RNF216: variants seen among roughly 807,000 people sequenced by gnomAD.
RNF216 encodes the protein ring finger protein 216.
In RNF216, 72 loss-of-function variants were observed where a neutral mutation model predicts 110.8. The observed-to-expected ratio is 0.65, with a 90% CI of 0.54 to 0.79. The LOEUF is 0.79. RNF216 is among the 30% of genes least tolerant of loss of function. The pLI is 0.00. For synonymous variants in RNF216, 495 were observed against 407.5 expected (o/e 1.21, Z -2.59); for missense variants, 1,342 against 1,141.2 (o/e 1.18, Z -2.54).
chr7:5,727,943 TA>T (rs1185313092), intron 7 of RNF216, among the ~76,000 whole-genome samples: 51 of 146,944 alleles, frequency 3.5e-4, no homozygotes, highest in Admixed American at 8.1e-4. Context: ...CCAAGGAGAT[TA>T]AAAAAAAAAA....
At chr7:5,727,668 G>A (rs976261219) in intron 7 of RNF216, among the ~76,000 whole-genome samples, 2 of 152,148 alleles carry the variant, frequency 1.3e-5, no homozygotes, top group African/African-American at 4.8e-5. Flanking sequence ...GGTCAAGGTT[G>A]CAATAAGCCA....
chr7:5,622,964 G>A lies in RNF216; in HGVS notation c.2668C>T (p.Pro890Ser). The A allele has an allele frequency of 6.2e-7, 1 of 1,614,092 alleles. No individual in the cohort carries two copies. The highest frequency in any genetic ancestry group is 8.5e-7 in the Non-Finnish European group (1 of 1,180,014). The change falls in exon 17 of 17, where the codon CCT becomes TCT. Residue 890 changes from proline (P) to serine (S), a missense_variant. By Grantham distance (74) the Pro-to-Ser change is moderately conservative (BLOSUM62 -1). Transcript: ENST00000389902. ...TAGTTGACCCGCACGTTGGGCAGAG[G>A]GGGCACGTACGGGGCTGGGATAGGC... ...MGPIPAPYVPPLPNVRVNYDF... is the reference protein window; with the variant it reads ...MGPIPAPYVPSLPNVRVNYDF...
chr7:5,621,491 C>G lies in RNF216; in HGVS notation c.*1369G>C, dbSNP rs927092253. The G allele has an allele frequency of 1.3e-5, 2 of 152,230 alleles. No individual in the cohort carries two copies. Among genetic ancestry groups the G allele is most frequent in the Non-Finnish European group, 2.9e-5 (2 of 68,054 alleles). The allele number at this position is 152,230 out of a possible 1,614,324, so 9.4% of individuals were successfully genotyped here. ...GCCCACTTTAGTCCTTGAAATACAT[C>G]TGAGAAGCCAATGGCAGCGAATGAC... On this transcript the variant is annotated 3_prime_UTR_variant, in exon 17 of 17. Transcript: ENST00000389902.
chr7:5,753,032 A>C, intron 2 of RNF216, 53 bp from the exon 3 acceptor site: 1 of 1,559,548 alleles, frequency 6.4e-7, no homozygotes, highest in Non-Finnish European at 8.6e-7. Flanking sequence ...ATCACATCCA[A>C]CTCTTTAAGT....
rs1296964636 is a variant in RNF216 at position 5,781,538 on chromosome 7, C to G, written c.-70+3G>C. On this transcript the variant is annotated splice_donor_region_variant and intron_variant, in intron 1 of 16. Transcript: ENST00000389902. ...TCGAGCGCGCCCCGCAGCCGACACT[C>G]ACTCGTCACTCAAGTCGCCGGCTAG... 1 of 152,292 alleles carries G rather than the reference C, an allele frequency of 6.6e-6. No individual in the cohort carries two copies. Among genetic ancestry groups the G allele is most frequent in the Admixed American group, 6.5e-5 (1 of 15,286 alleles). 9.4% of individuals were successfully genotyped at this position (152,292 alleles called of 1,614,324 possible). A position where few individuals can be genotyped will look rare whatever the true frequency, so the allele number is the denominator to read the frequency against.
At chr7:5,697,690 A>C (rs1791714392) in intron 13 of RNF216, among the ~76,000 whole-genome samples, 1 of 152,168 alleles carries the variant, frequency 6.6e-6, no homozygotes, top group African/African-American at 2.4e-5. Context: ...AAGGTGGGGA[A>C]GGGAAGAATC....
intron 1 of RNF216, among the ~76,000 whole-genome samples, chr7:5,772,521 T>G (rs1796550628): frequency 6.6e-6 from 1 of 152,030 alleles, no homozygotes; most frequent in Non-Finnish European, 1.5e-5. Context: ...ATTCAATCCT[T>G]TCCTTCCTCT....
chr7:5,735,124 C>A (rs919707273), intron 5 of RNF216, among the ~76,000 whole-genome samples: 6 of 151,964 alleles, frequency 3.9e-5, no homozygotes, highest in African/African-American at 1.4e-4. Flanking sequence ...CCAGCCTGGG[C>A]AAGAGAGTGA....
intron 15 of RNF216, among the ~76,000 whole-genome samples, chr7:5,639,019 G>A (rs1388869654): frequency 6.6e-6 from 1 of 152,138 alleles, no homozygotes; most frequent in Non-Finnish European, 1.5e-5. Context: ...AGACTCCTCA[G>A]TATAACATCT....
Position 5,691,680 on chromosome 7 carries a change from T to C in RNF216, c.2061+20081A>G, listed in dbSNP as rs192904048. ...CAATCAAGTGAAGTAGAATCTTCTA[T>C]CTGGCATGGACACATGGTTCTGGCC... On this transcript the variant is annotated intron_variant, in intron 13 of 16. Transcript: ENST00000389902. Among the ~76,000 whole-genome samples, 4 of 152,340 alleles carry C rather than the reference T, an allele frequency of 2.6e-5. No homozygotes were observed. In the East Asian group the frequency reaches 7.7e-4, roughly 29 times the overall value.
intron 13 of RNF216, among the ~76,000 whole-genome samples, chr7:5,671,665 C>G (rs932309558): frequency 6.6e-6 from 1 of 151,940 alleles, no homozygotes; most frequent in Admixed American, 6.6e-5. Context: ...ATCAGCTGGG[C>G]GCGGTGGCGG....
At chr7:5,760,164 T>C (rs892048786) in intron 2 of RNF216, among the ~76,000 whole-genome samples, 3 of 152,188 alleles carry the variant, frequency 2.0e-5, no homozygotes, top group Non-Finnish European at 4.4e-5. Flanking sequence ...TGTAAGAATG[T>C]TACAGAAATG....
chr7:5,716,839 C>A (rs1350294621), intron 9 of RNF216, 73 bp from the exon 10 acceptor site: 1 of 1,180,606 alleles, frequency 8.5e-7, no homozygotes, highest in Non-Finnish European at 1.2e-6. Context: ...GTATTTATTT[C>A]CATAAACATA....
At chr7:5,770,337 T>C (rs568336459) in intron 1 of RNF216, among the ~76,000 whole-genome samples, 24 of 151,974 alleles carry the variant, frequency 1.6e-4, no homozygotes, top group Non-Finnish European at 1.9e-4. Flanking sequence ...GGCACATGCC[T>C]GTAATCCCAG....
At position 5,715,160 on chromosome 7, in the gene RNF216, A is replaced by G; in HGVS notation, c.1726T>C (p.Tyr576His). Residue 576 changes from tyrosine to histidine, a missense_variant, in exon 11 of 17, where the codon TAT becomes CAT. Physicochemically the swap from Tyr to His is moderately conservative, Grantham distance 83 (BLOSUM62 2). Coordinates refer to ENST00000389902, the MANE Select transcript of RNF216 (RefSeq NM_207111.4). Reference protein sequence around the residue: ...DGQLIECRCCYGEFPFEELTQ... With the variant: ...DGQLIECRCCHGEFPFEELTQ... ...AGCTCCTCGAATGGAAATTCCCCAT[A>G]GCAGCAGCGACACTCAATCAGCTGG... 1.2e-6 allele frequency: 2 copies of G among 1,613,688 alleles called. No individual in the cohort carries two copies. The highest frequency in any genetic ancestry group is 8.5e-7 in the Non-Finnish European group (1 of 1,180,004).
chr7:5,660,602 G>A (rs1789053322), intron 13 of RNF216, among the ~76,000 whole-genome samples: 1 of 151,616 alleles, frequency 6.6e-6, no homozygotes, highest in South Asian at 2.1e-4. Flanking sequence ...GACTGAGACA[G>A]GGTCTCACTG....
chr7:5,771,691 G>A (rs1796501709), intron 1 of RNF216, among the ~76,000 whole-genome samples: 1 of 152,118 alleles, frequency 6.6e-6, no homozygotes, highest in Non-Finnish European at 1.5e-5. Flanking sequence ...CAGCTACTCA[G>A]GAGGCTGAGG....
intron 13 of RNF216, among the ~76,000 whole-genome samples, chr7:5,695,166 T>C (rs1266939927): frequency 1.3e-5 from 2 of 152,218 alleles, no homozygotes; most frequent in Non-Finnish European, 2.9e-5. Flanking sequence ...TCTTCATCTG[T>C]ACAACAAGCA....
chr7:5,661,207 T>G (rs1789115591), intron 13 of RNF216, among the ~76,000 whole-genome samples: 1 of 152,146 alleles, frequency 6.6e-6, no homozygotes, highest in Admixed American at 6.5e-5. Flanking sequence ...CCCAAAGTGC[T>G]GGGATTACAG....
Sources: allele counts gnomAD v4.1 joint callset (sites outside exome capture counted in the v4.1 genomes callset), GRCh38; gene constraint gnomAD v4.1.1; transcripts MANE v1.5; gene names NCBI Gene and HGNC (gene_info 2026-07-23, HGNC 2026-07-21).